The following IRAK1BP1 variants were observed in gnomAD, a reference collection of about 807,000 sequenced individuals.
The protein encoded by IRAK1BP1 is interleukin-1 receptor-associated kinase 1-binding protein 1.
A neutral mutation model predicts 28.0 loss-of-function variants in IRAK1BP1; 24 were observed. The ratio of observed to expected loss-of-function variants is 0.86; its 90% CI spans 0.62 to 1.20. The LOEUF (loss-of-function observed/expected upper bound fraction) is 1.20. IRAK1BP1 is among the 50% of genes most tolerant of loss of function. The probability of loss-of-function intolerance (pLI) is 0.00; values close to 1 mark genes in which losing one functional copy is unlikely to be tolerated. For missense variants in IRAK1BP1, 336 were observed against 316.7 expected (o/e 1.06, Z -0.46); for synonymous variants, 131 against 116.3 (o/e 1.13, Z -0.81).
intron 4 of IRAK1BP1, among the ~76,000 whole-genome samples, chr6:78,908,564 C>T (rs1270697370): frequency 6.6e-6 from 1 of 152,166 alleles, no homozygotes; most frequent in African/African-American, 2.4e-5. Context: ...TGGTCTCAAA[C>T]TCCTGGCCTC....
intron 4 of IRAK1BP1, among the ~76,000 whole-genome samples, chr6:78,915,157 G>T (rs774471552): frequency 1.3e-5 from 2 of 152,112 alleles, no homozygotes; most frequent in Non-Finnish European, 2.9e-5. Flanking sequence ...ATTATAAGCA[G>T]AAATGTCATC....
downstream of IRAK1BP1, among the ~76,000 whole-genome samples, chr6:78,908,030 T>TTTTA (rs528275854): frequency 0.088 from 12,988 of 147,848 alleles, 674 homozygotes; most frequent in Middle Eastern, 0.12. Context: ...TTATTTTTTA[T>TTTTA]TTTATTTATT....
intron 4 of IRAK1BP1, among the ~76,000 whole-genome samples, chr6:78,913,737 C>T (rs1772485179): frequency 1.3e-5 from 2 of 152,300 alleles, no homozygotes; most frequent in South Asian, 2.1e-4. Flanking sequence ...TGGCTATTTA[C>T]AGTGAAACCT....
At chr6:78,978,730 T>C in the IRAK1BP1 span, 2 of 1,580,878 alleles carry the variant, frequency 1.3e-6, no homozygotes, top group Non-Finnish European at 1.7e-6. Context: ...ATTTAAGTAA[T>C]AATTGTTAAG....
intron 4 of IRAK1BP1, chr6:78,939,249 T>C (rs1773379732): frequency 6.6e-6 from 1 of 151,792 alleles, no homozygotes; most frequent in South Asian, 2.1e-4. Context: ...TCATTTACAA[T>C]AGACAACTTA....
downstream of IRAK1BP1, chr6:78,947,794 G>A: frequency 6.3e-7 from 1 of 1,576,128 alleles, no homozygotes; most frequent in Non-Finnish European, 8.7e-7. Context: ...GGGAAAACAG[G>A]TGGTGTTATG....
chr6:78,922,103 G>T (rs1772750597), intron 4 of IRAK1BP1, among the ~76,000 whole-genome samples: 1 of 152,180 alleles, frequency 6.6e-6, no homozygotes, highest in African/African-American at 2.4e-5. Flanking sequence ...AGAGAAGAAG[G>T]CTTCAGATGA....
chr6:78,868,834 A>G (rs975840008), intron 1 of IRAK1BP1, among the ~76,000 whole-genome samples: 5 of 152,332 alleles, frequency 3.3e-5, no homozygotes, highest in Non-Finnish European at 7.4e-5. Context: ...CAGTTTTCTC[A>G]TTTTATAGAG....
rs1398733283 is a variant in IRAK1BP1, at chr6:78,898,466, T to C, written c.*132T>C. The C allele has an allele frequency of 2.8e-5, 4 of 144,600 alleles. No homozygotes were observed. Among genetic ancestry groups the C allele is most frequent in the Admixed American group, 8.6e-5 (1 of 11,644 alleles). 9.0% of individuals were successfully genotyped at this position (144,600 alleles called of 1,614,324 possible). ...TATATGGTATAGGAGATAAGCTATTTCTTTCCAAAATCTATAAATCTTTGA... is the reference window on the plus strand; with the variant it reads ...TATATGGTATAGGAGATAAGCTATTCCTTTCCAAAATCTATAAATCTTTGA... On this transcript the variant is annotated 3_prime_UTR_variant, in exon 4 of 4. Transcript: ENST00000369940.
At chr6:78,904,764 G>A (rs920254487), downstream of IRAK1BP1, among the ~76,000 whole-genome samples, 1 of 151,992 alleles carries the variant, frequency 6.6e-6, no homozygotes, top group Non-Finnish European at 1.5e-5. Flanking sequence ...AAACTTCAAG[G>A]TATTACATTC....
At chr6:78,884,175 T>C (rs963626873) in intron 1 of IRAK1BP1, among the ~76,000 whole-genome samples, 1 of 152,216 alleles carries the variant, frequency 6.6e-6, no homozygotes, top group African/African-American at 2.4e-5. Context: ...CAAAAGCTTT[T>C]AACTTAGGTT....
At chr6:78,910,817 G>A (rs1309108683) in intron 4 of IRAK1BP1, among the ~76,000 whole-genome samples, 5 of 152,236 alleles carry the variant, frequency 3.3e-5, no homozygotes, top group Non-Finnish European at 5.9e-5. Context: ...CAGTTCCAGG[G>A]CGCTCCGCGC....
chr6:78,940,846 T>C (rs1270299043), intron 4 of IRAK1BP1: 1 of 1,613,904 alleles, frequency 6.2e-7, no homozygotes, highest in Admixed American at 1.7e-5. Flanking sequence ...TCCTTCGACC[T>C]TGATTTCTAG....
At chr6:78,911,429 A>G (rs1420968679) in intron 4 of IRAK1BP1, among the ~76,000 whole-genome samples, 6 of 152,018 alleles carry the variant, frequency 3.9e-5, no homozygotes, top group Admixed American at 2.6e-4. Flanking sequence ...ATGAAACACA[A>G]TCCCACATCT....
chr6:78,920,807 G>A (rs545283597), intron 4 of IRAK1BP1, among the ~76,000 whole-genome samples: 1 of 152,146 alleles, frequency 6.6e-6, no homozygotes, highest in Non-Finnish European at 1.5e-5. Context: ...AAACTAAAGA[G>A]CTTGTGCATA....
intron 4 of IRAK1BP1, among the ~76,000 whole-genome samples, chr6:78,923,391 CA>C (rs1237090707): frequency 6.6e-6 from 1 of 152,104 alleles, no homozygotes; most frequent in Non-Finnish European, 1.5e-5. Flanking sequence ...TATATGCACC[CA>C]ATACAGGAGC....
At chr6:78,915,443 G>A (rs1208954549) in intron 4 of IRAK1BP1, among the ~76,000 whole-genome samples, 2 of 152,202 alleles carry the variant, frequency 1.3e-5, no homozygotes, top group Non-Finnish European at 2.9e-5. Context: ...TTCACCTGCA[G>A]GGAGTTTATT....
At position 78,898,411 on chromosome 6, in the gene IRAK1BP1, A is replaced by AATAAATATATATATAT. The variant is rs1771975937; in HGVS notation, c.*80_*81insAATATATATATATATA. The stretch of plus-strand genomic sequence containing the variant: ...TTTTATAATGTTTACGTTTGTCCTG[A>AATAAATATATATATAT]ATATATATATATATATATATATATA... On this transcript the variant is annotated 3_prime_UTR_variant, in exon 4 of 4. Transcript: ENST00000369940. 1 of 86,342 alleles carries AATAAATATATATATAT rather than the reference A, an allele frequency of 1.2e-5. No homozygotes were observed. The highest frequency in any genetic ancestry group is 2.0e-5 in the Non-Finnish European group (1 of 48,930). The allele number at this position is 86,342 out of a possible 1,614,324, so 5.3% of individuals were successfully genotyped here.
intron 2 of IRAK1BP1, among the ~76,000 whole-genome samples, chr6:78,889,134 AGAAAG>A (rs1265274511): frequency 3.9e-4 from 48 of 123,296 alleles, no homozygotes; most frequent in Non-Finnish European, 6.5e-4. Flanking sequence ...AAAAAAAAAA[AGAAAG>A]AAAGAAAGAT....
Sources: allele counts gnomAD v4.1 joint callset (sites outside exome capture counted in the v4.1 genomes callset), GRCh38; gene constraint gnomAD v4.1.1; transcripts MANE v1.5; gene names NCBI Gene and HGNC (gene_info 2026-07-23, HGNC 2026-07-21).